Variants in LNPEP observed in about 807,000 individuals in gnomAD.
LNPEP encodes leucyl and cystinyl aminopeptidase.
In LNPEP, 64 loss-of-function variants were observed where a neutral mutation model predicts 120.6. The ratio of observed to expected loss-of-function variants is 0.53; its 90% confidence interval spans 0.43 to 0.65. The LOEUF is 0.65. Among genes scored for constraint, LNPEP ranks in the 30% least tolerant of loss-of-function variants. The pLI, the probability that LNPEP is intolerant of heterozygous loss-of-function variation, is 0.00. For synonymous variants in LNPEP, 435 were observed against 425.4 expected (o/e 1.02, Z -0.28); for missense variants, 1,057 against 1,200.0 (o/e 0.88, Z 1.76).
At chr5:96,969,827 C>G (rs1411811449) in intron 1 of LNPEP, among the ~76,000 whole-genome samples, 9 of 150,932 alleles carry the variant, frequency 6.0e-5, no homozygotes, top group African/African-American at 1.7e-4. Flanking sequence ...TATTTTTAAA[C>G]CTTTTCCCAA....
chr5:96,990,929 GT>G (rs1284903945), intron 4 of LNPEP, among the ~76,000 whole-genome samples: 1 of 152,046 alleles, frequency 6.6e-6, no homozygotes, highest in Non-Finnish European at 1.5e-5. Flanking sequence ...ATTTTAAGAG[GT>G]TTTTGGGGAA....
chr5:96,995,373 T>C (rs1790488690), intron 6 of LNPEP, among the ~76,000 whole-genome samples: 2 of 152,354 alleles, frequency 1.3e-5, no homozygotes, highest in Non-Finnish European at 2.9e-5. Flanking sequence ...CCAAATTACA[T>C]ATTTTACAAC....
rs565393536 is a variant in LNPEP at position 96,994,489 on chromosome 5, G to A, written c.1407+518G>A. 4.7e-5 allele frequency among the ~76,000 whole-genome samples: 7 copies of A among 149,214 alleles called. No individual in the cohort carries two copies. The South Asian group carries it at 1.5e-3, about 32-fold the overall frequency. On this transcript the variant is annotated intron_variant, in intron 6 of 17. Coordinates refer to ENST00000231368, the MANE Select transcript of LNPEP (RefSeq NM_005575.3). ...GATTTTTTTTTTTTTTTCATCTCCTGCCGGAATGGGGTTCTCTGTTAATTT... is the reference window on the plus strand; with the variant it reads ...GATTTTTTTTTTTTTTTCATCTCCTACCGGAATGGGGTTCTCTGTTAATTT...
chr5:96,951,556 CG>C (rs909512145), intron 1 of LNPEP, among the ~76,000 whole-genome samples: 30 of 150,972 alleles, frequency 2.0e-4, no homozygotes, highest in South Asian at 1.3e-3. Context: ...CCGCACCTGG[CG>C]GGGGGTTAGT....
chr5:97,013,879 A>G, intron 12 of LNPEP, 48 bp downstream of exon 12: 2 of 1,340,384 alleles, frequency 1.5e-6, no homozygotes, highest in East Asian at 2.4e-5. Context: ...AACAAATGTC[A>G]TTGAGGTAAA....
chr5:96,998,213 G>A, intron 8 of LNPEP, 68 bp downstream of exon 8: 4 of 1,169,748 alleles, frequency 3.4e-6, no homozygotes, highest in Non-Finnish European at 4.9e-6. Context: ...ATGTGAGCAA[G>A]CTGTGTGATT....
rs764932604 is a variant in LNPEP at position 96,993,983 on chromosome 5, C to G, written c.1407+12C>G. The G allele has an allele frequency of 6.2e-7, 1 of 1,612,322 alleles. No individual in the cohort carries two copies. The highest frequency in any genetic ancestry group is 2.2e-5 in the East Asian group (1 of 44,854). On this transcript the variant is annotated intron_variant, in intron 6 of 17. Transcript: ENST00000231368. ...AGCTGGCCCACCAGGTATTAGCAAC[C>G]AAGGCTGTTCTGTGTCACACCTGTG...
At chr5:96,965,437 C>T (rs1581989731) in intron 1 of LNPEP, among the ~76,000 whole-genome samples, 3 of 152,018 alleles carry the variant, frequency 2.0e-5, no homozygotes, top group South Asian at 2.1e-4. Context: ...GTTTTTCTTG[C>T]GCATACCTAA....
intron 13 of LNPEP, among the ~76,000 whole-genome samples, chr5:97,019,700 C>T (rs1186266361): frequency 6.6e-6 from 1 of 152,090 alleles, no homozygotes; most frequent in Non-Finnish European, 1.5e-5. Flanking sequence ...AGTAAACTCT[C>T]AATGAGTATT....
In LNPEP at chr5:97,030,294, G is replaced by A. The variant is rs1335367897; in HGVS notation, c.*1761G>A. 6.6e-6 allele frequency: 1 copy of A among 152,056 alleles called. No individual in the cohort carries two copies. The highest frequency in any genetic ancestry group is 1.5e-5 in the Non-Finnish European group (1 of 67,982). The allele number at this position is 152,056 out of a possible 1,614,324, so 9.4% of individuals were successfully genotyped here. On this transcript the variant is annotated 3_prime_UTR_variant, in exon 18 of 18. Transcript: ENST00000231368. ...TCATCTAAATATGTCTTATTCAACT[G>A]AAGTGATTGTAAGTCTTTATTCTTG...
chr5:96,942,158 A>G (rs1043397617), intron 1 of LNPEP: 3 of 152,102 alleles, frequency 2.0e-5, no homozygotes, highest in African/African-American at 7.2e-5. Flanking sequence ...AAATTCAGTC[A>G]CTCGTAAGTT....
chr5:96,956,125 T>G (rs1236425606), intron 1 of LNPEP, among the ~76,000 whole-genome samples: 1 of 152,192 alleles, frequency 6.6e-6, no homozygotes, highest in Non-Finnish European at 1.5e-5. Context: ...GCCCATTCCT[T>G]TACATTGGAT....
At chr5:97,001,306 A>G (rs1380650103) in intron 8 of LNPEP, among the ~76,000 whole-genome samples, 1 of 152,210 alleles carries the variant, frequency 6.6e-6, no homozygotes, top group Non-Finnish European at 1.5e-5. Context: ...TAGATATGAA[A>G]TACGAGAGAG....
intron 1 of LNPEP, among the ~76,000 whole-genome samples, chr5:96,963,441 G>A (rs182183230): frequency 9.9e-5 from 15 of 152,270 alleles, no homozygotes; most frequent in African/African-American, 2.9e-4. Flanking sequence ...ACTTGGAGCC[G>A]GATGGTCTAA....
At chr5:96,946,845 A>AT (rs1175611505) in intron 1 of LNPEP, among the ~76,000 whole-genome samples, 2 of 152,220 alleles carry the variant, frequency 1.3e-5, no homozygotes, top group Admixed American at 1.3e-4. Context: ...GATCTGGCAA[A>AT]TAAATGTATT....
At chr5:97,024,247 C>T (rs1201200182) in intron 14 of LNPEP, among the ~76,000 whole-genome samples, 1 of 152,198 alleles carries the variant, frequency 6.6e-6, no homozygotes, top group Non-Finnish European at 1.5e-5. Flanking sequence ...AGGACAGAGG[C>T]TCTCATTCCT....
intron 1 of LNPEP, among the ~76,000 whole-genome samples, chr5:96,960,355 A>G (rs912337644): frequency 2.6e-5 from 4 of 152,246 alleles, no homozygotes; most frequent in Non-Finnish European, 4.4e-5. Context: ...CAGTTACGCT[A>G]ACAAGTCCAC....
chr5:96,939,450 G>A (rs2617439), intron 1 of LNPEP, among the ~76,000 whole-genome samples: 56,324 of 151,644 alleles, frequency 0.37, 10,583 homozygotes, highest in Non-Finnish European at 0.42. Flanking sequence ...CAAGTGATCC[G>A]CTCACCTTAG....
In LNPEP at chr5:96,979,637, G is replaced by A. The variant is rs758324549; in HGVS notation, c.519G>A (p.Val173=). 3 of 1,614,066 alleles carry A rather than the reference G, an allele frequency of 1.9e-6. No homozygotes were observed. In the South Asian group the frequency reaches 3.3e-5, roughly 18 times the overall value. ...WAQIRLPTAV[V]PLRYELSLHP... is the part of the protein sequence containing the mutation. ...AGATCAGGCTTCCCACTGCCGTTGT[G>A]CCACTACGCTATGAACTCAGCCTAC... is the stretch of plus-strand genomic sequence containing the variant. The change falls in exon 2 of 18, where the codon GTG becomes GTA. Residue 173 remains valine, a synonymous_variant. Coordinates refer to ENST00000231368, the MANE Select transcript of LNPEP (RefSeq NM_005575.3).
Sources: allele counts gnomAD v4.1 joint callset (sites outside exome capture counted in the v4.1 genomes callset), GRCh38; gene constraint gnomAD v4.1.1; transcripts MANE v1.5; gene names NCBI Gene and HGNC (gene_info 2026-07-23, HGNC 2026-07-21).